The following DYRK3 variants were observed in gnomAD, a reference collection of about 807,000 sequenced individuals.
DYRK3 encodes dual specificity tyrosine phosphorylation regulated kinase 3.
In DYRK3, 30 loss-of-function variants were observed where a neutral mutation model predicts 40.8. The observed-to-expected ratio is 0.74, with a 90% CI of 0.55 to 1.00. DYRK3 has a LOEUF of 1.00. DYRK3 is among the 50% of genes least tolerant of loss of function. The probability of loss-of-function intolerance (pLI) is 0.00; values close to 1 mark genes in which losing one functional copy is unlikely to be tolerated. For missense variants in DYRK3, 699 were observed against 731.5 expected, an observed-to-expected ratio of 0.96 and a Z score of 0.51; for synonymous variants, 272 against 260.7, an observed-to-expected ratio of 1.04 and a Z score of -0.42.
intron 2 of DYRK3, among the ~76,000 whole-genome samples, chr1:206,645,774 G>A (rs1032639345): frequency 2.6e-5 from 4 of 151,592 alleles, no homozygotes; most frequent in Admixed American, 1.3e-4. Context: ...TGATCTGCCC[G>A]TCTTGGCCTC....
intron 1 of DYRK3, chr1:206,636,166 C>T: frequency 1.1e-6 from 1 of 882,042 alleles, no homozygotes. Flanking sequence ...GAGCGGATAA[C>T]CAACGGCTGA....
At chr1:206,644,319 G>A (rs572571603) in intron 2 of DYRK3, among the ~76,000 whole-genome samples, 1 of 151,902 alleles carries the variant, frequency 6.6e-6, no homozygotes, top group Non-Finnish European at 1.5e-5. Flanking sequence ...ACAGGCGTGA[G>A]CCACCACACC....
chr1:206,645,797 G>A (rs1671434846), intron 2 of DYRK3, among the ~76,000 whole-genome samples: 1 of 151,764 alleles, frequency 6.6e-6, no homozygotes. Context: ...AAAGTTCTGG[G>A]GTTACAGGGA....
In DYRK3 at chr1:206,635,721, T is replaced by A; in HGVS notation, c.18T>A (p.Arg6=). 2 of 1,247,020 alleles carry A rather than the reference T, an allele frequency of 1.6e-6. No homozygotes were observed. The highest frequency in any genetic ancestry group is 2.0e-6 in the Non-Finnish European group (2 of 989,258). 77.2% of individuals were successfully genotyped at this position (1,247,020 alleles called of 1,614,324 possible). ...GCTAGGAGATGGGAGGCACAGCTCG[T>A]GGGCCTGGGCGGAAGGATGCGGGGC... The part of the protein sequence containing the change: MGGTA[R]GPGRKDAGPP... Residue 6 remains arginine (R), a synonymous_variant, in exon 1 of 3, where the codon CGT becomes CGA. Transcript: ENST00000367109.
intron 2 of DYRK3, among the ~76,000 whole-genome samples, chr1:206,639,168 C>T (rs1047715765): frequency 2.0e-5 from 3 of 152,152 alleles, no homozygotes; most frequent in African/African-American, 4.8e-5. Context: ...CGTGAGCCAC[C>T]GCACCCGGCC....
rs193251937 is a variant in DYRK3 at position 206,652,495 on chromosome 1, A to G, written c.*3530A>G. On this transcript the variant is annotated 3_prime_UTR_variant, in exon 3 of 3. Transcript: ENST00000367109. ...GGAAAGTGTATAGACAACTCATTAC[A>G]CTGTAGACAGATTTTAGAAAGCTAC... Among the ~76,000 whole-genome samples, 123 of 152,328 alleles carry G rather than the reference A, an allele frequency of 8.1e-4. No homozygotes were observed. Among genetic ancestry groups the G allele is most frequent in the African/African-American group, 2.8e-3 (116 of 41,568 alleles).
rs1415688109 is a variant in DYRK3 at position 206,649,411 on chromosome 1, A to C, written c.*446A>C. Reference sequence around the variant, plus strand: ...CCCTTGCCCCACTAGGCCATTCTCTAGGCTCATTCTAGGTGAAAGAGCTCA... The same window carrying C: ...CCCTTGCCCCACTAGGCCATTCTCTCGGCTCATTCTAGGTGAAAGAGCTCA... On this transcript the variant is annotated 3_prime_UTR_variant, in exon 3 of 3. Transcript: ENST00000367109. Among the ~76,000 whole-genome samples the C allele has an allele frequency of 6.6e-6, 1 of 152,218 alleles. No individual in the cohort carries two copies. The highest frequency in any genetic ancestry group is 1.5e-5 in the Non-Finnish European group (1 of 68,036).
chr1:206,652,770 A>G lies in DYRK3; in HGVS notation c.*3805A>G, dbSNP rs1671664123. 6.6e-6 allele frequency among the ~76,000 whole-genome samples: 1 copy of G among 152,192 alleles called. No individual in the cohort carries two copies. The highest frequency in any genetic ancestry group is 2.4e-5 in the African/African-American group (1 of 41,432). ...CTTATTGGCCACTGTTAAAAGTTTCACTTGGATCCCTGCCCAGCCATAGCA... is the reference window on the plus strand; with the variant it reads ...CTTATTGGCCACTGTTAAAAGTTTCGCTTGGATCCCTGCCCAGCCATAGCA... On this transcript the variant is annotated 3_prime_UTR_variant, in exon 3 of 3. Transcript: ENST00000367109.
rs1337475258 is a variant in DYRK3 at position 206,653,205 on chromosome 1, AGG to A, written c.*4244_*4245del. 6.6e-6 allele frequency among the ~76,000 whole-genome samples: 1 copy of A among 151,966 alleles called. No individual in the cohort carries two copies. Among genetic ancestry groups the A allele is most frequent in the Non-Finnish European group, 1.5e-5 (1 of 67,980 alleles). On this transcript the variant is annotated 3_prime_UTR_variant, in exon 3 of 3. Coordinates refer to ENST00000367109, the MANE Select transcript of DYRK3 (RefSeq NM_003582.4). ...GCTAATTTTTTGTATATCTGTAGAG[AGG>A]GGGTTTCACCATGTTGCTCGGGCTG...
At position 206,654,543 on chromosome 1, in the gene DYRK3, C is replaced by T. The variant is rs1671704740; in HGVS notation, c.*5578C>T. The stretch of plus-strand genomic sequence containing the variant: ...TCCCCATTTTAACATACTCCATTTT[C>T]ACCTTCAACCTATCCTTCCTGAAGC... On this transcript the variant is annotated 3_prime_UTR_variant, in exon 3 of 3. Transcript: ENST00000367109. Among the ~76,000 whole-genome samples, 1 of 152,232 alleles carries T rather than the reference C, an allele frequency of 6.6e-6. No individual in the cohort carries two copies. The highest frequency in any genetic ancestry group is 1.5e-5 in the Non-Finnish European group (1 of 68,044).
In DYRK3 at chr1:206,647,958, A is replaced by G. The variant is rs1187324007; in HGVS notation, c.760A>G (p.Ile254Val). 2 of 1,614,064 alleles carry G rather than the reference A, an allele frequency of 1.2e-6. No individual in the cohort carries two copies. Among genetic ancestry groups the G allele is most frequent in the Non-Finnish European group, 1.7e-6 (2 of 1,180,026 alleles). Residue 254 changes from isoleucine (I) to valine (V), a missense_variant, in exon 3 of 3, where the codon ATC becomes GTC. Transcript: ENST00000367109. ...KRFHRQAAEE[I>V]RILEHLKKQD... Reference sequence around the variant, plus strand: ...CTTTCATCGTCAAGCAGCTGAGGAGATCCGGATTTTGGAGCATCTTAAGAA... The same window carrying G: ...CTTTCATCGTCAAGCAGCTGAGGAGGTCCGGATTTTGGAGCATCTTAAGAA...
At chr1:206,643,230 T>A (rs1671340957) in intron 2 of DYRK3, among the ~76,000 whole-genome samples, 1 of 152,142 alleles carries the variant, frequency 6.6e-6, no homozygotes. Flanking sequence ...ACTTGAAATT[T>A]GGACACTTCT....
rs937848327 is a variant in DYRK3 at position 206,652,145 on chromosome 1, C to T, written c.*3180C>T. Among the ~76,000 whole-genome samples the T allele has an allele frequency of 1.3e-5, 2 of 152,212 alleles. No homozygotes were observed. Among genetic ancestry groups the T allele is most frequent in the African/African-American group, 2.4e-5 (1 of 41,448 alleles). On this transcript the variant is annotated 3_prime_UTR_variant, in exon 3 of 3. Transcript: ENST00000367109. ...TATCTGATTGACACAGATCTGAAGT[C>T]TCTAACACCATATTGCTGTTGTCCT...
rs1245736216 is a variant in DYRK3 at position 206,650,653 on chromosome 1, A to G, written c.*1688A>G. Among the ~76,000 whole-genome samples, 3 of 152,238 alleles carry G rather than the reference A, an allele frequency of 2.0e-5. No individual in the cohort carries two copies. Among genetic ancestry groups the G allele is most frequent in the Non-Finnish European group, 2.9e-5 (2 of 68,038 alleles). On this transcript the variant is annotated 3_prime_UTR_variant, in exon 3 of 3. Coordinates refer to ENST00000367109, the MANE Select transcript of DYRK3 (RefSeq NM_003582.4). Reference sequence around the variant, plus strand: ...TATTCTAGAATGTGGTGCAAACTCAATGACATTGGAAGAGACTCTTTTTGT... The same window carrying G: ...TATTCTAGAATGTGGTGCAAACTCAGTGACATTGGAAGAGACTCTTTTTGT...
rs1241908353 is a variant in DYRK3, at chr1:206,652,289, A to T, written c.*3324A>T. Among the ~76,000 whole-genome samples the T allele has an allele frequency of 6.6e-6, 1 of 152,190 alleles. No individual in the cohort carries two copies. The highest frequency in any genetic ancestry group is 1.5e-5 in the Non-Finnish European group (1 of 68,040). Reference sequence around the variant, plus strand: ...GAACTGCTCCTGTAAGCAAACTGTTAAAAGCATTACTACCCCATATGCATC... The same window carrying T: ...GAACTGCTCCTGTAAGCAAACTGTTTAAAGCATTACTACCCCATATGCATC... On this transcript the variant is annotated 3_prime_UTR_variant, in exon 3 of 3. Transcript: ENST00000367109.
At position 206,653,992 on chromosome 1, in the gene DYRK3, G is replaced by C. The variant is rs1671694826; in HGVS notation, c.*5027G>C. Among the ~76,000 whole-genome samples the C allele has an allele frequency of 6.6e-6, 1 of 152,212 alleles. No individual in the cohort carries two copies. Among genetic ancestry groups the C allele is most frequent in the Non-Finnish European group, 1.5e-5 (1 of 68,028 alleles). Reference sequence around the variant, plus strand: ...TTCTACTGTGAAACTATTTCAATCTGTAGCAGCTGGTCATGTTAAAACACT... The same window carrying C: ...TTCTACTGTGAAACTATTTCAATCTCTAGCAGCTGGTCATGTTAAAACACT... On this transcript the variant is annotated 3_prime_UTR_variant, in exon 3 of 3. Transcript: ENST00000367109.
chr1:206,654,380 G>T lies in DYRK3; in HGVS notation c.*5415G>T, dbSNP rs1671701307. ...AACGCTATAACTTACTATGCGTAGA[G>T]CAGCGGCAGGCATTCATGCTATGGA... is the stretch of plus-strand genomic sequence containing the variant. On this transcript the variant is annotated 3_prime_UTR_variant, in exon 3 of 3. Coordinates refer to ENST00000367109, the MANE Select transcript of DYRK3 (RefSeq NM_003582.4). Among the ~76,000 whole-genome samples the T allele has an allele frequency of 6.6e-6, 1 of 152,260 alleles. No homozygotes were observed. Among genetic ancestry groups the T allele is most frequent in the Admixed American group, 6.5e-5 (1 of 15,286 alleles).
At chr1:206,646,748 G>A (rs1671466562) in intron 2 of DYRK3, among the ~76,000 whole-genome samples, 1 of 152,174 alleles carries the variant, frequency 6.6e-6, no homozygotes, top group Admixed American at 6.6e-5. Flanking sequence ...TTAATGGCAA[G>A]GGCCCTTGAA....
In DYRK3 at chr1:206,647,752, C is replaced by T; in HGVS notation, c.554C>T (p.Pro185Leu). The change falls in exon 3 of 3, where the codon CCC (proline) becomes CTC (leucine). Residue 185 changes from proline to leucine, a missense_variant. Coordinates refer to ENST00000367109, the MANE Select transcript of DYRK3 (RefSeq NM_003582.4). ...AKKRHGVIGG[P>L]NNGGYDDADG... is the part of the protein sequence containing the mutation. ...AAAAGACATGGAGTTATTGGTGGTC[C>T]CAATAATGGAGGGTATGATGATGCA... is the stretch of plus-strand genomic sequence containing the variant. The T allele has an allele frequency of 1.9e-6, 3 of 1,613,890 alleles. No individual in the cohort carries two copies. Among genetic ancestry groups the T allele is most frequent in the Non-Finnish European group, 2.5e-6 (3 of 1,179,968 alleles).
Sources: gnomAD v4.1 joint callset for allele counts (sites outside exome capture counted in the v4.1 genomes callset) on GRCh38, gnomAD v4.1.1 for gene constraint, MANE v1.5 for transcripts, NCBI Gene and HGNC (gene_info 2026-07-23, HGNC 2026-07-21) for gene names.